MLLT1: variants seen among roughly 807,000 people sequenced by gnomAD.
The protein encoded by MLLT1 is MLLT1 super elongation complex subunit.
MLLT1 carries 11 observed loss-of-function variants against 55.1 expected under a neutral mutation model. The observed-to-expected ratio is 0.20, with a 90% CI of 0.13 to 0.33. The LOEUF (loss-of-function observed/expected upper bound fraction) is 0.33. Ranked by LOEUF, MLLT1 falls within the 10% of genes least tolerant of loss-of-function variation. MLLT1 has a pLI of 1.00. For synonymous variants in MLLT1, 323 were observed against 320.1 expected, an observed-to-expected ratio of 1.01 and a Z score of -0.10; for missense variants, 536 against 760.6, an observed-to-expected ratio of 0.70 and a Z score of 3.47.
At position 6,230,295 on chromosome 19, in the gene MLLT1, G is replaced by A. The variant is rs895823842; in HGVS notation, c.420+275C>T. Among the ~76,000 whole-genome samples the A allele has an allele frequency of 1.3e-5, 2 of 152,164 alleles. No homozygotes were observed. Among genetic ancestry groups the A allele is most frequent in the African/African-American group, 2.4e-5 (1 of 41,430 alleles). On this transcript the variant is annotated intron_variant, in intron 4 of 11. Transcript: ENST00000252674. The surrounding 1 kb of genome is among the most constrained non-coding windows in gnomAD (Gnocchi z 9.0). The stretch of plus-strand genomic sequence containing the variant: ...AGCCACGCGGTCAGACCAGCCTCGC[G>A]CCCATCCCTTCCCAGCACTTCCTGC...
intron 3 of MLLT1, among the ~76,000 whole-genome samples, chr19:6,247,904 T>TTTGTTTGTTTG (rs1568288714): frequency 2.8e-4 from 37 of 134,434 alleles, no homozygotes; most frequent in African/African-American, 9.4e-4. Context: ...TTGTTTGTTT[T>TTTGTTTGTTTG]TTGTGAGACA....
intron 3 of MLLT1, among the ~76,000 whole-genome samples, chr19:6,238,445 GGA>G (rs919538901): frequency 7.9e-4 from 121 of 152,352 alleles, no homozygotes; most frequent in African/African-American, 2.7e-3. Context: ...ACCCTTGCGG[GGA>G]GAGAGGAGAA....
At position 6,211,482 on chromosome 19, in the gene MLLT1, G is replaced by C. The variant is rs939792423; in HGVS notation, c.*1560C>G. ...TGTTCAGGATCTGCTGACAGAATCA[G>C]AGCAGGGACAAGATGAGGGACCTCA... On this transcript the variant is annotated 3_prime_UTR_variant, in exon 12 of 12. Transcript: ENST00000252674. This position sits in a 1 kb window ranked among gnomAD's most constrained non-coding sequence, Gnocchi z 4.6. 2.1e-6 allele frequency: 1 copy of C among 473,098 alleles called. No homozygotes were observed. The highest frequency in any genetic ancestry group is 3.0e-6 in the Non-Finnish European group (1 of 337,756). The allele number at this position is 473,098 out of a possible 1,614,324, so 29.3% of individuals were successfully genotyped here. A position where few individuals can be genotyped will look rare whatever the true frequency, so the allele number is the denominator to read the frequency against.
chr19:6,278,233 G>A (rs1252684034), intron 1 of MLLT1, among the ~76,000 whole-genome samples: 1 of 152,234 alleles, frequency 6.6e-6, no homozygotes, highest in Non-Finnish European at 1.5e-5. Context: ...AGCCAGGGCA[G>A]CAGAGGAGGA....
intron 2 of MLLT1, among the ~76,000 whole-genome samples, chr19:6,266,891 G>C (rs924476368): frequency 1.3e-5 from 2 of 152,164 alleles, no homozygotes; most frequent in Non-Finnish European, 2.9e-5. Context: ...AGTGGCTAAA[G>C]GGGTGGCTGG....
Position 6,230,052 on chromosome 19 carries a change from G to A in MLLT1, c.420+518C>T, listed in dbSNP as rs1568280905. ...CCACCAGCCCTGCGCCCACCCTGTT[G>A]CCAAGAGCCCTCGTGGGGAACTCTG... On this transcript the variant is annotated intron_variant, in intron 4 of 11. Coordinates refer to ENST00000252674, the MANE Select transcript of MLLT1 (RefSeq NM_005934.4). The surrounding 1 kb of genome is among the most constrained non-coding windows in gnomAD (Gnocchi z 9.0). 6.6e-6 allele frequency among the ~76,000 whole-genome samples: 1 copy of A among 151,780 alleles called. No homozygotes were observed. The highest frequency in any genetic ancestry group is 1.9e-4 in the East Asian group (1 of 5,136).
intron 2 of MLLT1, among the ~76,000 whole-genome samples, chr19:6,266,677 G>A (rs529683673): frequency 6.6e-6 from 1 of 152,226 alleles, no homozygotes; most frequent in South Asian, 2.1e-4. Context: ...GACTGGTCTT[G>A]AACTCCTGAT....
In MLLT1 at chr19:6,230,498, G is replaced by A; in HGVS notation, c.420+72C>T. On this transcript the variant is annotated intron_variant, in intron 4 of 11. Coordinates refer to ENST00000252674, the MANE Select transcript of MLLT1 (RefSeq NM_005934.4). This position sits in a 1 kb window ranked among gnomAD's most constrained non-coding sequence, Gnocchi z 9.0. ...GCCCCCAGCACCGACACCTCTGGCT[G>A]GGCACAGACGGCCGCAGCAAAGTAG... 4 of 1,576,366 alleles carry A rather than the reference G, an allele frequency of 2.5e-6. No individual in the cohort carries two copies. Among genetic ancestry groups the A allele is most frequent in the Non-Finnish European group, 3.4e-6 (4 of 1,160,520 alleles).
In MLLT1 at chr19:6,270,703, G is replaced by A. The variant is rs750026966; in HGVS notation, c.69C>T (p.Pro23=). 4 of 1,613,966 alleles carry A rather than the reference G, an allele frequency of 2.5e-6. No individual in the cohort carries two copies. The highest frequency in any genetic ancestry group is 3.4e-6 in the Non-Finnish European group (4 of 1,179,948). ...LGHRAQLRKK[P]TTEGFTHDWM... ...AGTCGTGAGTGAACCCCTCCGTGGTGGGCTTCTTGCGCAGTTGGGCGCGAT... is the reference window on the plus strand; with the variant it reads ...AGTCGTGAGTGAACCCCTCCGTGGTAGGCTTCTTGCGCAGTTGGGCGCGAT... The change falls in exon 2 of 12, where the codon CCC becomes CCT. Residue 23 remains proline (P), a synonymous_variant. Coordinates refer to ENST00000252674, the MANE Select transcript of MLLT1 (RefSeq NM_005934.4). This position sits in a 1 kb window ranked among gnomAD's most constrained non-coding sequence, Gnocchi z 7.1.
Position 6,270,496 on chromosome 19 carries a change from G to C in MLLT1, c.193+83C>G. On this transcript the variant is annotated intron_variant, in intron 2 of 11. Transcript: ENST00000252674. The surrounding 1 kb of genome is among the most constrained non-coding windows in gnomAD (Gnocchi z 7.1). ...TGGTTGGAGGGGTCCTGCTGCTCCT[G>C]AGGGAGGGGTGGAGCCTGGCCTTGG... 6.9e-7 allele frequency: 1 copy of C among 1,444,204 alleles called. No homozygotes were observed. The highest frequency in any genetic ancestry group is 2.4e-5 in the East Asian group (1 of 42,210). 89.5% of individuals were successfully genotyped at this position (1,444,204 alleles called of 1,614,324 possible).
intron 2 of MLLT1, among the ~76,000 whole-genome samples, chr19:6,263,670 C>T (rs1269500847): frequency 6.6e-6 from 1 of 152,138 alleles, no homozygotes; most frequent in Non-Finnish European, 1.5e-5. Flanking sequence ...TGCCTGAGAG[C>T]CCACAGGAAG....
rs1174604529 is a variant in MLLT1 at position 6,212,395 on chromosome 19, G to A, written c.*647C>T. The A allele has an allele frequency of 9.4e-7, 1 of 1,065,956 alleles. No individual in the cohort carries two copies. The highest frequency in any genetic ancestry group is 1.1e-6 in the Non-Finnish European group (1 of 879,782). 66.0% of individuals were successfully genotyped at this position (1,065,956 alleles called of 1,614,324 possible). ...ACCGCAGAGACATCTTAACCTACAA[G>A]CCCCACCGTACGCACCCCCCACCCA... On this transcript the variant is annotated 3_prime_UTR_variant, in exon 12 of 12. Coordinates refer to ENST00000252674, the MANE Select transcript of MLLT1 (RefSeq NM_005934.4).
intron 2 of MLLT1, among the ~76,000 whole-genome samples, chr19:6,265,837 AG>A (rs1397956522): frequency 6.9e-6 from 1 of 145,096 alleles, no homozygotes; most frequent in Non-Finnish European, 1.5e-5. Flanking sequence ...AAATTAGCCA[AG>A]GGTGGTGGTG....
rs1568296304 is a variant in MLLT1, at chr19:6,265,051, AAAAAACAAAAAAAC to A, written c.194-2755_194-2742del. Among the ~76,000 whole-genome samples the A allele has an allele frequency of 7.2e-3, 274 of 37,800 alleles. 10 individuals are homozygous for A. Among genetic ancestry groups the A allele is most frequent in the African/African-American group, 0.011 (257 of 22,364 alleles). The allele number at this position is 37,800 out of a possible 152,430, so 24.8% of individuals were successfully genotyped here. A position where few individuals can be genotyped will look rare whatever the true frequency, so the allele number is the denominator to read the frequency against. On this transcript the variant is annotated intron_variant, in intron 2 of 11. Coordinates refer to ENST00000252674, the MANE Select transcript of MLLT1 (RefSeq NM_005934.4). Reference sequence around the variant, plus strand: ...CATAGTGAACAGCAAAAAAAAAACAAAAAAACAAAAAAACAAAAAAAAACATGATGTCATAAAGC... The same window carrying A: ...CATAGTGAACAGCAAAAAAAAAACAAAAAAAAAAACATGATGTCATAAAGC...
At position 6,211,610 on chromosome 19, in the gene MLLT1, C is replaced by G; in HGVS notation, c.*1432G>C. On this transcript the variant is annotated 3_prime_UTR_variant, in exon 12 of 12. Transcript: ENST00000252674. This position sits in a 1 kb window ranked among gnomAD's most constrained non-coding sequence, Gnocchi z 4.6. ...TGCGAGCCCACCTCCAGGCCCTCAG[C>G]CCTCTTTTCCTCATAACTTGGTCAG... is the stretch of plus-strand genomic sequence containing the variant. 1 of 1,065,268 alleles carries G rather than the reference C, an allele frequency of 9.4e-7. No homozygotes were observed. 66.0% of individuals were successfully genotyped at this position (1,065,268 alleles called of 1,614,324 possible).
Position 6,244,661 on chromosome 19 carries a change from T to C in MLLT1, c.277-13948A>G, listed in dbSNP as rs142317942. ...ATAAGCCACAGACTTGGAGAAAATATTTGCAACTCATATACCAAGTACAGG... is the reference window on the plus strand; with the variant it reads ...ATAAGCCACAGACTTGGAGAAAATACTTGCAACTCATATACCAAGTACAGG... On this transcript the variant is annotated intron_variant, in intron 3 of 11. Coordinates refer to ENST00000252674, the MANE Select transcript of MLLT1 (RefSeq NM_005934.4). Among the ~76,000 whole-genome samples the C allele has an allele frequency of 3.4e-4, 52 of 152,236 alleles. No homozygotes were observed. The East Asian group carries it at 8.9e-3, about 26-fold the overall frequency.
At chr19:6,217,556 C>T (rs1385268091) in intron 7 of MLLT1, among the ~76,000 whole-genome samples, 3 of 152,220 alleles carry the variant, frequency 2.0e-5, no homozygotes, top group East Asian at 1.9e-4. Context: ...CAGGAGACCC[C>T]GGCCGTCCAC....
chr19:6,219,044 C>T lies in MLLT1; in HGVS notation c.1111-1003G>A, dbSNP rs561329570. ...CCAGCCATGCAAGGGAAGCCGTGAACGGAGTACTGAGCTGGTGGGACTCAG... is the reference window on the plus strand; with the variant it reads ...CCAGCCATGCAAGGGAAGCCGTGAATGGAGTACTGAGCTGGTGGGACTCAG... On this transcript the variant is annotated intron_variant, in intron 6 of 11. Transcript: ENST00000252674. The surrounding 1 kb of genome is among the most constrained non-coding windows in gnomAD (Gnocchi z 4.5). Among the ~76,000 whole-genome samples the T allele has an allele frequency of 3.3e-5, 5 of 152,220 alleles. No individual in the cohort carries two copies. Among genetic ancestry groups the T allele is most frequent in the Admixed American group, 1.3e-4 (2 of 15,302 alleles).
At chr19:6,213,590 G>A (rs1165176602) in intron 10 of MLLT1, 136 bp downstream of exon 10, 3 of 1,024,138 alleles carry the variant, frequency 2.9e-6, no homozygotes, top group East Asian at 4.9e-5. Context: ...CGGGAGGGGA[G>A]GAAGGACTGT....
Sources: allele counts gnomAD v4.1 joint callset (sites outside exome capture counted in the v4.1 genomes callset), GRCh38; gene constraint gnomAD v4.1.1; non-coding constraint Gnocchi (gnomAD v3.1); transcripts MANE v1.5; gene names NCBI Gene and HGNC (gene_info 2026-07-23, HGNC 2026-07-21).